Variants in SUPT3H observed in about 807,000 individuals in gnomAD.
SUPT3H encodes the protein SPT3 homolog, SAGA and STAGA complex component.
A neutral mutation model predicts 44.3 loss-of-function variants in SUPT3H; 44 were observed. That is an observed-to-expected ratio of 0.99 (90% CI 0.78 to 1.28). SUPT3H has a LOEUF of 1.28. Ranked by LOEUF, SUPT3H falls within the 50% of genes most tolerant of loss-of-function variation. The pLI, the probability that SUPT3H is intolerant of heterozygous loss-of-function variation, is 0.00. For synonymous variants in SUPT3H, 124 were observed against 125.6 expected, an observed-to-expected ratio of 0.99 and a Z score of 0.09; for missense variants, 380 against 387.1, an observed-to-expected ratio of 0.98 and a Z score of 0.15.
chr6:44,827,209 T>TAAGA lies in SUPT3H; in HGVS notation c.*2603_*2606dup, dbSNP rs1767854172. On this transcript the variant is annotated 3_prime_UTR_variant, in exon 11 of 11. Transcript: ENST00000371459. Reference sequence around the variant, plus strand: ...TTGACTTAGAGTTAAGCCTGATGTGTAAGATAACAGACTGTTTACTTAATA... The same window carrying TAAGA: ...TTGACTTAGAGTTAAGCCTGATGTGTAAGAAAGATAACAGACTGTTTACTTAATA... Among the ~76,000 whole-genome samples the TAAGA allele has an allele frequency of 3.3e-5, 5 of 152,320 alleles. No homozygotes were observed. The South Asian group carries it at 8.3e-4, about 25-fold the overall frequency.
intron 2 of SUPT3H, among the ~76,000 whole-genome samples, chr6:45,310,525 G>T (rs1048353632): frequency 6.6e-6 from 1 of 152,008 alleles, no homozygotes; most frequent in African/African-American, 2.4e-5. Context: ...CACAGAGTCC[G>T]TTGCACCCTC....
chr6:44,957,940 C>T lies in SUPT3H; in HGVS notation c.581-3333G>A, dbSNP rs1313234431. Among the ~76,000 whole-genome samples, 3 of 152,244 alleles carry T rather than the reference C, an allele frequency of 2.0e-5. No individual in the cohort carries two copies. In the East Asian group the frequency reaches 5.8e-4, roughly 29 times the overall value. On this transcript the variant is annotated intron_variant, in intron 7 of 10. Transcript: ENST00000371459. ...TTCCCTGTCATGTGGAGAAGGATGG[C>T]TTTAGAGCCTCACCCTTCCAAGGTA... is the stretch of plus-strand genomic sequence containing the variant.
At chr6:45,061,399 G>C (rs1790328585) in intron 3 of SUPT3H, among the ~76,000 whole-genome samples, 1 of 152,110 alleles carries the variant, frequency 6.6e-6, no homozygotes, top group African/African-American at 2.4e-5. Flanking sequence ...CAAACGATGA[G>C]AACACGTAGA....
In SUPT3H at chr6:45,292,680, A is replaced by G. The variant is rs140870625; in HGVS notation, c.101+72521T>C. ...AAGGACACCAAAAGCAAGCAGGAGT[A>G]GCTATTCTTATACCAGACAAAAGAA... is the stretch of plus-strand genomic sequence containing the variant. On this transcript the variant is annotated intron_variant, in intron 2 of 10. Coordinates refer to ENST00000371459, the MANE Select transcript of SUPT3H (RefSeq NM_003599.4). Among the ~76,000 whole-genome samples, 595 of 149,180 alleles carry G rather than the reference A, an allele frequency of 4.0e-3. 6 individuals carry two copies. The highest frequency in any genetic ancestry group is 4.8e-3 in the Non-Finnish European group (320 of 67,286).
chr6:45,039,445 A>G lies in SUPT3H; in HGVS notation c.187-18813T>C, dbSNP rs571565687. ...GGATTGATTTCAGTATTTCTGTACT[A>G]TTAAAGAATTTAATTTTTGCTCTCA... On this transcript the variant is annotated intron_variant, in intron 3 of 10. Transcript: ENST00000371459. Among the ~76,000 whole-genome samples, 24 of 152,070 alleles carry G rather than the reference A, an allele frequency of 1.6e-4. No homozygotes were observed. The East Asian group carries it at 4.2e-3, about 27-fold the overall frequency.
intron 2 of SUPT3H, among the ~76,000 whole-genome samples, chr6:45,121,669 TTTTTTG>T (rs895828696): frequency 1.8e-4 from 27 of 152,220 alleles, no homozygotes; most frequent in South Asian, 1.2e-3. Context: ...TTTTTTGGGT[TTTTTTG>T]TTTTTGTTTT....
intron 2 of SUPT3H, among the ~76,000 whole-genome samples, chr6:45,252,568 T>G (rs1169754548): frequency 6.6e-6 from 1 of 151,682 alleles, no homozygotes; most frequent in African/African-American, 2.4e-5. Context: ...CATCCAGGAA[T>G]GGCACAGTAG....
intron 2 of SUPT3H, among the ~76,000 whole-genome samples, chr6:45,313,432 A>T (rs543217417): frequency 6.6e-6 from 1 of 152,184 alleles, no homozygotes; most frequent in South Asian, 2.1e-4. Context: ...AATCCAAATA[A>T]CCTCACTGAG....
intron 2 of SUPT3H, among the ~76,000 whole-genome samples, chr6:45,175,450 C>T (rs1339280238): frequency 6.6e-6 from 1 of 152,156 alleles, no homozygotes; most frequent in South Asian, 2.1e-4. Flanking sequence ...GGGGAAACTG[C>T]CCCCATGATT....
chr6:45,128,358 A>G (rs952940767), intron 2 of SUPT3H, among the ~76,000 whole-genome samples: 2 of 151,060 alleles, frequency 1.3e-5, no homozygotes, highest in African/African-American at 2.4e-5. Flanking sequence ...ACAAAAAACT[A>G]GCCAGGCATG....
intron 10 of SUPT3H, among the ~76,000 whole-genome samples, chr6:44,871,098 C>A (rs1375284395): frequency 6.6e-6 from 1 of 150,870 alleles, no homozygotes. Flanking sequence ...CCCAGGCTTG[C>A]TTAGGTAAAA....
intron 5 of SUPT3H, among the ~76,000 whole-genome samples, chr6:45,013,263 T>G (rs1783762090): frequency 6.6e-6 from 1 of 152,098 alleles, no homozygotes; most frequent in South Asian, 2.1e-4. Flanking sequence ...GTTTTGCTTT[T>G]TGCTACCAGT....
intron 10 of SUPT3H, among the ~76,000 whole-genome samples, chr6:44,859,105 A>G (rs1040538210): frequency 1.3e-5 from 2 of 152,174 alleles, no homozygotes; most frequent in Non-Finnish European, 2.9e-5. Context: ...AAAGAGGTAA[A>G]AAGAGTCCAT....
chr6:44,876,863 A>T (rs1260752579), intron 10 of SUPT3H, among the ~76,000 whole-genome samples: 1 of 151,236 alleles, frequency 6.6e-6, no homozygotes, highest in Admixed American at 6.6e-5. Flanking sequence ...AAAAGAAAAA[A>T]AAAGTGTATG....
At chr6:44,896,596 T>C (rs906736158) in intron 10 of SUPT3H, among the ~76,000 whole-genome samples, 1 of 152,164 alleles carries the variant, frequency 6.6e-6, no homozygotes, top group Non-Finnish European at 1.5e-5. Context: ...CTAAGAGGCA[T>C]CACAACAAAA....
intron 2 of SUPT3H, among the ~76,000 whole-genome samples, chr6:45,334,771 G>T (rs775553323): frequency 6.9e-6 from 1 of 145,816 alleles, no homozygotes; most frequent in Admixed American, 6.8e-5. Context: ...GAAAAAAATT[G>T]TAAATTATGT....
intron 2 of SUPT3H, among the ~76,000 whole-genome samples, chr6:45,325,868 T>C (rs113704461): frequency 2.3e-4 from 35 of 151,996 alleles, no homozygotes; most frequent in African/African-American, 8.2e-4. Flanking sequence ...AAGTAATATT[T>C]GCTCCAAAGA....
chr6:44,948,889 G>A (rs1455371363), intron 9 of SUPT3H, among the ~76,000 whole-genome samples: 3 of 152,068 alleles, frequency 2.0e-5, no homozygotes, highest in African/African-American at 4.8e-5. Flanking sequence ...TCCCATTACT[G>A]GCTATATACC....
chr6:45,233,420 C>A (rs1435791878), intron 2 of SUPT3H, among the ~76,000 whole-genome samples: 5 of 152,200 alleles, frequency 3.3e-5, no homozygotes, highest in Non-Finnish European at 7.3e-5. Flanking sequence ...AGCGTGAGTA[C>A]CCTGTCCAGT....
Sources: gnomAD v4.1 joint callset for allele counts (sites outside exome capture counted in the v4.1 genomes callset) on GRCh38, gnomAD v4.1.1 for gene constraint, MANE v1.5 for transcripts, NCBI Gene and HGNC (gene_info 2026-07-23, HGNC 2026-07-21) for gene names.